Variants in GABRG3 observed in about 807,000 individuals in gnomAD.
GABRG3 encodes the protein gamma-aminobutyric acid type A receptor subunit gamma3, also known as gamma-aminobutyric acid receptor subunit gamma-3.
Under a neutral mutation model 48.8 loss-of-function variants are expected in GABRG3, and 25 were observed. The ratio of observed to expected loss-of-function variants is 0.51; its 90% confidence interval spans 0.37 to 0.72. GABRG3 has a LOEUF of 0.72. Ranked by LOEUF, GABRG3 falls within the 30% of genes least tolerant of loss-of-function variation. The pLI is 0.00. For missense variants in GABRG3, 394 were observed against 577.9 expected (o/e 0.68, Z 3.26); for synonymous variants, 227 against 217.6 (o/e 1.04, Z -0.38).
At chr15:27,021,653 C>T (rs1260064434) in intron 2 of GABRG3, among the ~76,000 whole-genome samples, 2 of 152,162 alleles carry the variant, frequency 1.3e-5, no homozygotes, top group East Asian at 1.9e-4. Context: ...CCAGCCTGGG[C>T]AACATAGCGA....
At chr15:27,379,556 A>G (rs371593578) in intron 5 of GABRG3, among the ~76,000 whole-genome samples, 202 of 152,286 alleles carry the variant, frequency 1.3e-3, no homozygotes, top group African/African-American at 4.5e-3. Flanking sequence ...TCTGACCTAT[A>G]TCATTTTCCG....
rs1040133082 is a variant in GABRG3 at position 26,992,265 on chromosome 15, T to C, written c.202+15115T>C. On this transcript the variant is annotated intron_variant, in intron 2 of 9. Coordinates refer to ENST00000615808, the MANE Select transcript of GABRG3 (RefSeq NM_033223.5). ...GCTTTAGGTAGGACTTCAAATACTA[T>C]GTAGAATAACAGTGGTGTAAGTAGG... Among the ~76,000 whole-genome samples the C allele has an allele frequency of 7.9e-5, 12 of 152,230 alleles. No individual in the cohort carries two copies. The South Asian group carries it at 1.0e-3, about 13-fold the overall frequency.
At chr15:27,075,956 C>T (rs187395148) in intron 3 of GABRG3, among the ~76,000 whole-genome samples, 3 of 152,276 alleles carry the variant, frequency 2.0e-5, no homozygotes, top group South Asian at 2.1e-4. Context: ...AGTCACGGAA[C>T]GGAAGTGCTG....
chr15:27,144,617 G>A (rs1898165285), intron 3 of GABRG3, among the ~76,000 whole-genome samples: 1 of 152,180 alleles, frequency 6.6e-6, no homozygotes. Flanking sequence ...AGAGGCCTTT[G>A]AAAAGATGGA....
At chr15:27,110,484 G>A (rs1193554604) in intron 3 of GABRG3, among the ~76,000 whole-genome samples, 2 of 151,050 alleles carry the variant, frequency 1.3e-5, no homozygotes. Context: ...CTCTTTTTAT[G>A]TAGCTCTGAG....
chr15:27,355,994 A>G (rs1039259828), intron 5 of GABRG3, among the ~76,000 whole-genome samples: 1 of 152,148 alleles, frequency 6.6e-6, no homozygotes, highest in Non-Finnish European at 1.5e-5. Context: ...AGGCACAGAT[A>G]GGGTTGTTTT....
chr15:27,073,691 T>C (rs1164617737), intron 3 of GABRG3, among the ~76,000 whole-genome samples: 1 of 152,236 alleles, frequency 6.6e-6, no homozygotes. Context: ...CTCCACAAGC[T>C]CAGTGGCTAA....
chr15:27,002,119 G>A (rs1190405588), intron 2 of GABRG3, among the ~76,000 whole-genome samples: 1 of 152,078 alleles, frequency 6.6e-6, no homozygotes, highest in Non-Finnish European at 1.5e-5. Flanking sequence ...ACAACAAATA[G>A]ACTTCAAAAA....
At chr15:27,076,185 G>A (rs1896906634) in intron 3 of GABRG3, among the ~76,000 whole-genome samples, 2 of 152,092 alleles carry the variant, frequency 1.3e-5, no homozygotes, top group Non-Finnish European at 1.5e-5. Context: ...AACTTGACAG[G>A]TCTAGACCTT....
At chr15:27,258,675 A>G (rs568248459) in intron 3 of GABRG3, among the ~76,000 whole-genome samples, 39 of 152,208 alleles carry the variant, frequency 2.6e-4, no homozygotes, top group Non-Finnish European at 5.1e-4. Flanking sequence ...ATACATGCAT[A>G]CAGTATGCAA....
chr15:27,406,923 T>TTTGTTGTTG (rs879375896), intron 5 of GABRG3, among the ~76,000 whole-genome samples: 1 of 152,058 alleles, frequency 6.6e-6, no homozygotes, highest in African/African-American at 2.4e-5. Flanking sequence ...TTTTTTTCTT[T>TTTGTTGTTG]TTGTTGTTGT....
At chr15:27,133,172 C>A (rs1897949992) in intron 3 of GABRG3, among the ~76,000 whole-genome samples, 1 of 151,940 alleles carries the variant, frequency 6.6e-6, no homozygotes, top group Admixed American at 6.6e-5. Context: ...TTTCCCTAAA[C>A]TATAGAGAAA....
chr15:27,196,716 C>T (rs1024925602), intron 3 of GABRG3, among the ~76,000 whole-genome samples: 6 of 152,202 alleles, frequency 3.9e-5, no homozygotes, highest in Admixed American at 6.5e-5. Context: ...AAGTAACAGA[C>T]GCACAAAGAA....
intron 5 of GABRG3, chr15:27,365,760 T>C (rs1274463586): frequency 6.6e-6 from 1 of 152,156 alleles, no homozygotes. Flanking sequence ...TTATTACTCA[T>C]TAAAAAATAA....
At chr15:27,284,498 T>G (rs77401729) in intron 3 of GABRG3, among the ~76,000 whole-genome samples, 1 of 152,216 alleles carries the variant, frequency 6.6e-6, no homozygotes, top group Non-Finnish European at 1.5e-5. Context: ...TACATTTCTG[T>G]GTCTCACACA....
intron 3 of GABRG3, among the ~76,000 whole-genome samples, chr15:27,053,403 G>A (rs923016042): frequency 3.9e-5 from 6 of 152,100 alleles, no homozygotes; most frequent in Admixed American, 2.0e-4. Flanking sequence ...ATCACTAACC[G>A]TCAGAGAATT....
intron 3 of GABRG3, among the ~76,000 whole-genome samples, chr15:27,279,172 G>C (rs528537953): frequency 2.0e-5 from 3 of 152,134 alleles, no homozygotes; most frequent in African/African-American, 7.2e-5. Context: ...ATATATTCTA[G>C]ATATGTGGTC....
chr15:27,388,372 G>GAAGGAAGGAAAGGGAGGGAGGGAAAA (rs1896106872), intron 5 of GABRG3, among the ~76,000 whole-genome samples: 1 of 97,010 alleles, frequency 1.0e-5, no homozygotes, highest in African/African-American at 4.5e-5. Context: ...AAGGAAGAAA[G>GAAGGAAGGAAAGGGAGGGAGGGAAAA]GAAGGAAGGA....
chr15:27,320,076 A>C (rs1893367924), intron 3 of GABRG3, among the ~76,000 whole-genome samples: 1 of 152,110 alleles, frequency 6.6e-6, no homozygotes, highest in Admixed American at 6.5e-5. Context: ...GCCAGAGGCA[A>C]ACTTACCATA....
Sources: allele counts gnomAD v4.1 joint callset (sites outside exome capture counted in the v4.1 genomes callset), GRCh38; gene constraint gnomAD v4.1.1; transcripts MANE v1.5; gene names NCBI Gene and HGNC (gene_info 2026-07-23, HGNC 2026-07-21).